TMCC2: variants seen among roughly 807,000 people sequenced by gnomAD.
The protein encoded by TMCC2 is transmembrane and coiled-coil domain family 2.
TMCC2 carries 16 observed loss-of-function variants against 49.4 expected under a neutral mutation model. The ratio of observed to expected loss-of-function variants is 0.32; its 90% CI spans 0.22 to 0.49. The LOEUF (loss-of-function observed/expected upper bound fraction) is 0.49. Ranked by LOEUF, TMCC2 falls within the 20% of genes least tolerant of loss-of-function variation. TMCC2 has a pLI of 0.99. For missense variants in TMCC2, 762 were observed against 989.8 expected, an observed-to-expected ratio of 0.77 and a Z score of 3.09; for synonymous variants, 397 against 434.1, an observed-to-expected ratio of 0.91 and a Z score of 1.06.
chr1:205,229,571 C>A (rs867929148), intron 1 of TMCC2: 3 of 534,856 alleles, frequency 5.6e-6, no homozygotes, highest in Non-Finnish European at 6.2e-6. Context: ...GTGGCGGGGG[C>A]GGGGGGGGAA....
chr1:205,253,425 C>CCT (rs1427758627), intron 2 of TMCC2, among the ~76,000 whole-genome samples: 9 of 152,136 alleles, frequency 5.9e-5, no homozygotes, highest in African/African-American at 1.2e-4. Flanking sequence ...ATGACAAGAG[C>CCT]CTATCTGTCA....
chr1:205,266,345 C>G (rs191310565), intron 2 of TMCC2, among the ~76,000 whole-genome samples: 1 of 151,376 alleles, frequency 6.6e-6, no homozygotes, highest in African/African-American at 2.4e-5. Context: ...AATCCCAGCA[C>G]TTTGGGAGGC....
Position 205,272,153 on chromosome 1 carries a change from C to G in TMCC2, c.*29C>G, listed in dbSNP as rs757544627. The G allele has an allele frequency of 6.3e-7, 1 of 1,599,684 alleles. No individual in the cohort carries two copies. Among genetic ancestry groups the G allele is most frequent in the South Asian group, 1.1e-5 (1 of 90,400 alleles). ...GCCAGCCACACCAACCCTGTGCTCT[C>G]TGGCCCCCAGCTGGCCACACTTCTC... On this transcript the variant is annotated 3_prime_UTR_variant, in exon 5 of 5. Coordinates refer to ENST00000358024, the MANE Select transcript of TMCC2 (RefSeq NM_014858.4).
chr1:205,255,369 G>A (rs569615147), intron 2 of TMCC2, among the ~76,000 whole-genome samples: 16 of 152,130 alleles, frequency 1.1e-4, no homozygotes, highest in Admixed American at 2.6e-4. Context: ...CCTGGCCAAC[G>A]TGGTGAAACC....
intron 2 of TMCC2, among the ~76,000 whole-genome samples, chr1:205,246,308 CGGG>C (rs1245981055): frequency 5.9e-5 from 1 of 17,068 alleles, no homozygotes; most frequent in Non-Finnish European, 1.4e-4. Flanking sequence ...GAGGTGGGGG[CGGG>C]GGGTGGGGGC....
chr1:205,236,751 C>T (rs905044102), intron 1 of TMCC2: 4 of 152,258 alleles, frequency 2.6e-5, no homozygotes, highest in Admixed American at 1.3e-4. Flanking sequence ...AGGGCGAGAT[C>T]GCTGCAGACT....
intron 2 of TMCC2, among the ~76,000 whole-genome samples, chr1:205,263,386 G>C (rs1276928307): frequency 6.6e-6 from 1 of 152,116 alleles, no homozygotes; most frequent in Non-Finnish European, 1.5e-5. Context: ...TGCTCTCTCA[G>C]GGTGTAAAAA....
chr1:205,262,852 G>A (rs1661170226), intron 2 of TMCC2, among the ~76,000 whole-genome samples: 1 of 152,106 alleles, frequency 6.6e-6, no homozygotes, highest in African/African-American at 2.4e-5. Context: ...GAAGCTCTTA[G>A]ATGCTTTCCT....
chr1:205,247,842 G>C (rs1660513275), intron 2 of TMCC2, among the ~76,000 whole-genome samples: 1 of 152,164 alleles, frequency 6.6e-6, no homozygotes, highest in Non-Finnish European at 1.5e-5. Flanking sequence ...TCCAGCCCTG[G>C]CGGGGTTGAG....
chr1:205,245,710 T>C (rs1295938285), intron 2 of TMCC2, among the ~76,000 whole-genome samples: 1 of 152,216 alleles, frequency 6.6e-6, no homozygotes, highest in Non-Finnish European at 1.5e-5. Context: ...TTTGCACTTT[T>C]CTAACGTAGA....
At chr1:205,266,872 G>A (rs895702958) in intron 2 of TMCC2, among the ~76,000 whole-genome samples, 2 of 152,158 alleles carry the variant, frequency 1.3e-5, no homozygotes, top group Non-Finnish European at 2.9e-5. Context: ...GCTTTTTGTC[G>A]GCGAGGACAC....
chr1:205,269,299 A>G lies in TMCC2; in HGVS notation c.1097A>G (p.Gln366Arg). The part of the protein sequence containing the change: ...HYRRRLKEIE[Q>R]NGPSRQPKDV... ...CGCCGGCGCCTGAAGGAGATTGAGC[A>G]GAACGGGCCCTCGCGGCAGCCCAAG... Residue 366 changes from glutamine (Q) to arginine (R), a missense_variant, in exon 3 of 5, where the codon CAG becomes CGG. Transcript: ENST00000358024. 6.2e-7 allele frequency: 1 copy of G among 1,613,684 alleles called. No individual in the cohort carries two copies. The highest frequency in any genetic ancestry group is 8.5e-7 in the Non-Finnish European group (1 of 1,180,018).
At chr1:205,246,689 T>A (rs1445473936) in intron 2 of TMCC2, 20 of 1,549,956 alleles carry the variant, frequency 1.3e-5, no homozygotes, top group Non-Finnish European at 1.7e-5. Context: ...CCACCTCTCA[T>A]GGGTGAGTCA....
rs754893771 is a variant in TMCC2, at chr1:205,272,138, C to T, written c.*14C>T. Reference sequence around the variant, plus strand: ...CTGCCCAGCTGAGTGGCCAGCCACACCAACCCTGTGCTCTCTGGCCCCCAG... The same window carrying T: ...CTGCCCAGCTGAGTGGCCAGCCACATCAACCCTGTGCTCTCTGGCCCCCAG... On this transcript the variant is annotated 3_prime_UTR_variant, in exon 5 of 5. Transcript: ENST00000358024. The T allele has an allele frequency of 3.1e-6, 5 of 1,608,374 alleles. No individual in the cohort carries two copies. In the Admixed American group the frequency reaches 5.0e-5, roughly 16 times the overall value.
At chr1:205,229,007 G>T in intron 1 of TMCC2, 2 of 1,351,500 alleles carry the variant, frequency 1.5e-6, no homozygotes, top group Non-Finnish European at 9.5e-7. Context: ...GCGTTTTAGT[G>T]ACTCACCCAT....
chr1:205,253,349 T>G (rs1464303288), intron 2 of TMCC2, among the ~76,000 whole-genome samples: 6 of 152,190 alleles, frequency 3.9e-5, no homozygotes, highest in Non-Finnish European at 7.4e-5. Context: ...GCTGAGACCT[T>G]CCAGACGTGC....
Position 205,272,518 on chromosome 1 carries a change from A to T in TMCC2, c.*394A>T, listed in dbSNP as rs1175304624. On this transcript the variant is annotated 3_prime_UTR_variant, in exon 5 of 5. Transcript: ENST00000358024. ...TCCTAGGAAAGAGCCCACCTCGGAG[A>T]TAGCTACGGTTTTCTCTGGTGGAGA... 2 of 219,058 alleles carry T rather than the reference A, an allele frequency of 9.1e-6. No individual in the cohort carries two copies. The highest frequency in any genetic ancestry group is 5.2e-5 in the Admixed American group (1 of 19,086). 13.6% of individuals were successfully genotyped at this position (219,058 alleles called of 1,614,324 possible).
chr1:205,233,432 C>G (rs1659890220), intron 1 of TMCC2, among the ~76,000 whole-genome samples: 2 of 152,158 alleles, frequency 1.3e-5, no homozygotes, highest in South Asian at 4.1e-4. Flanking sequence ...TAGTGAAGAG[C>G]AGGAAAGATA....
At chr1:205,250,563 T>C (rs1660628594) in intron 2 of TMCC2, among the ~76,000 whole-genome samples, 1 of 151,844 alleles carries the variant, frequency 6.6e-6, no homozygotes, top group South Asian at 2.1e-4. Flanking sequence ...AAAAAGAAAA[T>C]ATCCAGTATT....
Sources: allele counts gnomAD v4.1 joint callset (sites outside exome capture counted in the v4.1 genomes callset), GRCh38; gene constraint gnomAD v4.1.1; transcripts MANE v1.5; gene names NCBI Gene and HGNC (gene_info 2026-07-23, HGNC 2026-07-21).